Variants in MCM3AP observed in about 807,000 individuals in gnomAD.
MCM3AP encodes the protein minichromosome maintenance complex component 3 associated protein, also known as germinal-center associated nuclear protein.
Under a neutral mutation model 184.1 loss-of-function variants are expected in MCM3AP, and 126 were observed. The observed-to-expected ratio is 0.68, with a 90% CI of 0.59 to 0.79. The LOEUF is 0.79. Among genes scored for constraint, MCM3AP ranks in the 30% least tolerant of loss-of-function variants. MCM3AP has a pLI of 0.00. For synonymous variants in MCM3AP, 1,002 were observed against 979.3 expected (o/e 1.02, Z -0.43); for missense variants, 2,496 against 2,479.2 (o/e 1.01, Z -0.14).
chr21:46,245,131 G>C lies in MCM3AP; in HGVS notation c.4714C>G (p.Leu1572Val). The C allele has an allele frequency of 1.2e-6, 2 of 1,614,228 alleles. No individual in the cohort carries two copies. The highest frequency in any genetic ancestry group is 1.7e-6 in the Non-Finnish European group (2 of 1,180,022). ...ATCCCGTCTTCGACGTACTGAATGA[G>C]AGTCTGGCAGCAGAGGTCAAGGGAA... is the stretch of plus-strand genomic sequence containing the variant. ...PHSLDLCCQT[L>V]IQYVEDGIGH... The change falls in exon 23 of 28, where the codon CTC becomes GTC. Residue 1572 changes from leucine to valine, a missense_variant. By Grantham distance (32) the Leu-to-Val change is conservative. Coordinates refer to ENST00000291688, the MANE Select transcript of MCM3AP (RefSeq NM_003906.5).
At chr21:46,275,917 T>A (rs2081249147) in intron 5 of MCM3AP, among the ~76,000 whole-genome samples, 1 of 152,184 alleles carries the variant, frequency 6.6e-6, no homozygotes, top group African/African-American at 2.4e-5. Flanking sequence ...TGCAACAACT[T>A]CACACTCAAA....
At chr21:46,267,189 C>G in intron 9 of MCM3AP, 47 bp from the exon 10 acceptor site, 1 of 1,562,756 alleles carries the variant, frequency 6.4e-7, no homozygotes, top group Non-Finnish European at 8.7e-7. Flanking sequence ...AAGGCCCAGT[C>G]AGACACATGC....
intron 11 of MCM3AP, 40 bp downstream of exon 11, chr21:46,265,885 A>C: frequency 6.6e-7 from 1 of 1,508,210 alleles, no homozygotes; most frequent in Non-Finnish European, 8.9e-7. Flanking sequence ...TGGTGGGAAA[A>C]TGCAGCTAGT....
chr21:46,274,431 C>T (rs925832137), intron 6 of MCM3AP, among the ~76,000 whole-genome samples: 6 of 152,100 alleles, frequency 3.9e-5, no homozygotes, highest in African/African-American at 1.4e-4. Context: ...TTAGAAGCAG[C>T]CTATCTACTA....
intron 2 of MCM3AP, among the ~76,000 whole-genome samples, chr21:46,282,562 T>C (rs989421428): frequency 6.6e-6 from 1 of 152,140 alleles, no homozygotes; most frequent in Non-Finnish European, 1.5e-5. Flanking sequence ...CCCAGCACTT[T>C]GGGAGGCCGA....
intron 22 of MCM3AP, among the ~76,000 whole-genome samples, chr21:46,245,779 C>T (rs8128380): frequency 0.4 from 60,026 of 151,874 alleles, 12,233 homozygotes; most frequent in African/African-American, 0.48. Flanking sequence ...ACTACAGGTG[C>T]GAGGAGCCAC....
chr21:46,259,066 C>T lies in MCM3AP; in HGVS notation c.3607G>A (p.Val1203Ile), dbSNP rs762776912. ...TCCTCACAGCAACGGGCCACACGGA[C>T]CCTCTGGTCTGTCTCTACTGCATTC... The part of the protein sequence containing the change: ...LKNAVETDQR[V>I]RVARCCEDVC... Residue 1203 changes from valine (V) to isoleucine (I), a missense_variant, in exon 16 of 28, where the codon GTC becomes ATC. Transcript: ENST00000291688. 1 of 1,613,668 alleles carries T rather than the reference C, an allele frequency of 6.2e-7. No homozygotes were observed. Among genetic ancestry groups the T allele is most frequent in the Non-Finnish European group, 8.5e-7 (1 of 1,179,824 alleles).
Position 46,251,674 on chromosome 21 carries a change from G to A in MCM3AP, c.4145C>T (p.Ala1382Val), listed in dbSNP as rs767569470. 4 of 1,577,000 alleles carry A rather than the reference G, an allele frequency of 2.5e-6. No individual in the cohort carries two copies. The South Asian group carries it at 4.5e-5, about 18-fold the overall frequency. ...QSPESCGRIL[A>V]NWLKVKFMGD... ...CATGAACTTGACTTTTAACCAATTT[G>A]CTAGAATTCTACAGATTTAAAAAAA... The change falls in exon 20 of 28, where the codon GCA (alanine) becomes GTA (valine). Residue 1382 changes from alanine (A) to valine (V), a missense_variant. Around this residue, in one of 5 missense-constraint regions of MCM3AP, gnomAD observed 1,323 missense variants for 1,273.4 expected, o/e 1.04. Transcript: ENST00000291688.
At chr21:46,276,890 A>G (rs968078764) in intron 5 of MCM3AP, among the ~76,000 whole-genome samples, 21 of 151,626 alleles carry the variant, frequency 1.4e-4, no homozygotes, top group Admixed American at 1.3e-3. Flanking sequence ...GATGCACACC[A>G]CCGCACCCAG....
rs969742200 is a variant in MCM3AP, at chr21:46,246,811, G to A, written c.4366C>T (p.Leu1456Phe). 6.2e-7 allele frequency: 1 copy of A among 1,614,062 alleles called. No homozygotes were observed. Among genetic ancestry groups the A allele is most frequent in the Non-Finnish European group, 8.5e-7 (1 of 1,180,036 alleles). The change falls in exon 21 of 28, where the codon CTC becomes TTC. Residue 1456 changes from leucine (L) to phenylalanine (F), a missense_variant. By Grantham distance (22) the Leu-to-Phe change is conservative (BLOSUM62 0). Transcript: ENST00000291688. ...TQKDLLGASG[L>F]MLLLPPKMKS... ...ATTTTGGGGGGAAGCAGCAGCATGA[G>A]CCCACTGGCTCCCAGGAGGTCCTTC... is the stretch of plus-strand genomic sequence containing the variant.
chr21:46,277,647 C>A lies in MCM3AP; in HGVS notation c.1738G>T (p.Glu580Ter). ...CATGGCCCGAGGCCCTCGGAGCCCT[C>A]GGAGGCTGAGTCAAAAGAGTCTCCC... The part of the protein sequence containing the change: ...FEGDSFDSAS[E>*]GSEGLGPCVL... Residue 580 changes from glutamate (E) to a stop codon, truncating the protein, a stop_gained, in exon 5 of 28, where the codon GAG (glutamate) becomes TAG (stop). Coordinates refer to ENST00000291688, the MANE Select transcript of MCM3AP (RefSeq NM_003906.5). LOFTEE classifies it high-confidence loss of function. The A allele has an allele frequency of 6.2e-7, 1 of 1,610,950 alleles. No individual in the cohort carries two copies. The highest frequency in any genetic ancestry group is 8.5e-7 in the Non-Finnish European group (1 of 1,178,522).
chr21:46,264,286 G>A (rs1569070057), intron 12 of MCM3AP, 69 bp from the exon 13 acceptor site: 1 of 981,936 alleles, frequency 1.0e-6, no homozygotes, highest in South Asian at 1.4e-5. Context: ...GTAACATGTT[G>A]TCACCGGACA....
chr21:46,261,497 G>A (rs1431915259), intron 13 of MCM3AP, 86 bp from the exon 14 acceptor site: 1 of 1,171,186 alleles, frequency 8.5e-7, no homozygotes, highest in Non-Finnish European at 1.2e-6. Flanking sequence ...CACTTTGGGA[G>A]GCTGAGGTGG....
chr21:46,285,327 T>C lies in MCM3AP; in HGVS notation c.-41A>G, dbSNP rs1227131369. 1.4e-6 allele frequency: 2 copies of C among 1,399,348 alleles called. No individual in the cohort carries two copies. Among genetic ancestry groups the C allele is most frequent in the South Asian group, 1.2e-5 (1 of 83,112 alleles). The allele number at this position is 1,399,348 out of a possible 1,614,324, so 86.7% of individuals were successfully genotyped here. ...TTAGAAGGTAATTAAGTATTATGTGTACAAAATTAATTGGCTTCCTGAAAC... is the reference window on the plus strand; with the variant it reads ...TTAGAAGGTAATTAAGTATTATGTGCACAAAATTAATTGGCTTCCTGAAAC... On this transcript the variant is annotated 5_prime_UTR_variant, in exon 1 of 28. Coordinates refer to ENST00000291688, the MANE Select transcript of MCM3AP (RefSeq NM_003906.5).
intron 23 of MCM3AP, 58 bp from the exon 24 acceptor site, chr21:46,243,780 C>A (rs2080717621): frequency 6.4e-7 from 1 of 1,553,134 alleles, no homozygotes; most frequent in Admixed American, 1.8e-5. Flanking sequence ...TGAAAATGTA[C>A]ATGAAAACAT....
In MCM3AP at chr21:46,280,030, C is replaced by T. The variant is rs149627512; in HGVS notation, c.1630G>A (p.Ala544Thr). ...AGGCTGCTAGCACCAGTCCTCCCTG[C>T]GGCCTTGCCAAGAGGAGAGTGCTGA... Reference protein sequence around the residue: ...PFQHSPLGKAAGRTGASSLLN... With the variant: ...PFQHSPLGKATGRTGASSLLN... The change falls in exon 4 of 28, where the codon GCA (alanine) becomes ACA (threonine). Residue 544 changes from alanine (A) to threonine (T), a missense_variant. By Grantham distance (58) the Ala-to-Thr change is moderately conservative. Transcript: ENST00000291688. The T allele has an allele frequency of 2.5e-4, 403 of 1,614,012 alleles. 2 individuals are homozygous for T. The highest frequency in any genetic ancestry group is 1.7e-3 in the South Asian group (158 of 91,076).
intron 10 of MCM3AP, chr21:46,266,495 G>C (rs2081114392): frequency 7.8e-6 from 2 of 257,302 alleles, no homozygotes; most frequent in South Asian, 1.9e-4. Context: ...AGACAGGCAG[G>C]AGGCAGGTGA....
At position 46,284,922 on chromosome 21, in the gene MCM3AP, G is replaced by A; in HGVS notation, c.365C>T (p.Pro122Leu). Residue 122 changes from proline (P) to leucine (L), a missense_variant, in exon 1 of 28, where the codon CCA becomes CTA. Coordinates refer to ENST00000291688, the MANE Select transcript of MCM3AP (RefSeq NM_003906.5). ...FKSPTSVGAF[P>L]STSAFGQEAG... ...TTCTTGTCCAAAAGCAGAAGTGCTT[G>A]GGAAAGCCCCAACACTGGTGGGTGA... The A allele has an allele frequency of 1.2e-6, 2 of 1,614,146 alleles. No individual in the cohort carries two copies. The highest frequency in any genetic ancestry group is 1.7e-6 in the Non-Finnish European group (2 of 1,180,024).
At chr21:46,255,862 T>G (rs1169549668) in intron 17 of MCM3AP, among the ~76,000 whole-genome samples, 2 of 151,962 alleles carry the variant, frequency 1.3e-5, no homozygotes, top group African/African-American at 4.8e-5. Context: ...CAAGAAGCCA[T>G]GACTCCAGGA....
Sources: allele counts gnomAD v4.1 joint callset (sites outside exome capture counted in the v4.1 genomes callset), GRCh38; gene constraint gnomAD v4.1.1; regional missense constraint gnomAD v4.1.1; transcripts MANE v1.5; gene names NCBI Gene and HGNC (gene_info 2026-07-23, HGNC 2026-07-21).